Variants in ACTR3C observed in about 807,000 individuals in gnomAD.
The protein encoded by ACTR3C is actin related protein 3C.
A neutral mutation model predicts 26.3 loss-of-function variants in ACTR3C; 18 were observed. That is an observed-to-expected ratio of 0.68 (90% CI 0.47 to 1.01). ACTR3C has a LOEUF of 1.01. ACTR3C is among the 50% of genes least tolerant of loss of function. The probability of loss-of-function intolerance (pLI) is 0.00; values close to 1 mark genes in which losing one functional copy is unlikely to be tolerated. For missense variants in ACTR3C, 184 were observed against 250.7 expected (o/e 0.73, Z 1.80); for synonymous variants, 55 against 94.5 (o/e 0.58, Z 2.42).
chr7:149,903,961 C>T, the ACTR3C span, among the ~76,000 whole-genome samples: 37 of 114,530 alleles, frequency 3.2e-4, 5 homozygotes, highest in South Asian at 5.0e-3. Context: ...GGTTCTGCTG[C>T]CCAGGCTGGA....
the ACTR3C span, among the ~76,000 whole-genome samples, chr7:150,035,172 A>T: frequency 4.6e-3 from 605 of 131,600 alleles, 6 homozygotes; most frequent in African/African-American, 0.018. Flanking sequence ...CAGGGGGGGA[A>T]GAGGGTCTGG....
chr7:150,183,133 A>G, the ACTR3C span, among the ~76,000 whole-genome samples: 16 of 151,010 alleles, frequency 1.1e-4, no homozygotes, highest in African/African-American at 3.0e-4. Context: ...ATGTACAACA[A>G]GAAATGGAAA....
At chr7:150,236,356 T>C in the ACTR3C span, among the ~76,000 whole-genome samples, 1 of 152,222 alleles carries the variant, frequency 6.6e-6, no homozygotes, top group Non-Finnish European at 1.5e-5. Context: ...ATAGAGGTGA[T>C]GTTTCTGCCC....
At chr7:150,072,699 G>GAGGC in the ACTR3C span, among the ~76,000 whole-genome samples, 183 of 152,198 alleles carry the variant, frequency 1.2e-3, 1 homozygote, top group African/African-American at 4.0e-3. Context: ...GAAATAAACT[G>GAGGC]AGGCAGGCAG....
At chr7:150,244,458 G>C, downstream of ACTR3C, 1 of 151,658 alleles carries the variant, frequency 6.6e-6, no homozygotes. Flanking sequence ...ATCCTTTGTT[G>C]AACATTTGAT....
intron 1 of ACTR3C, among the ~76,000 whole-genome samples, chr7:150,299,308 T>A (rs1795210510): frequency 6.7e-6 from 1 of 149,820 alleles, no homozygotes; most frequent in African/African-American, 2.4e-5. Flanking sequence ...AAACAAGGTG[T>A]GGTAGCCGGG....
chr7:149,952,771 C>T, the ACTR3C span, among the ~76,000 whole-genome samples: 1 of 150,938 alleles, frequency 6.6e-6, no homozygotes, highest in Admixed American at 6.6e-5. Flanking sequence ...TAGAGTCTAC[C>T]ATCTATTAGG....
At chr7:150,133,398 A>T in the ACTR3C span, among the ~76,000 whole-genome samples, 1 of 152,250 alleles carries the variant, frequency 6.6e-6, no homozygotes, top group African/African-American at 2.4e-5. Flanking sequence ...GTCAGGCTGA[A>T]GTTAGATGCT....
At chr7:150,114,255 C>G in the ACTR3C span, among the ~76,000 whole-genome samples, 1 of 152,118 alleles carries the variant, frequency 6.6e-6, no homozygotes, top group African/African-American at 2.4e-5. Context: ...GTCCTCTGGT[C>G]CCTACTTGCA....
the ACTR3C span, among the ~76,000 whole-genome samples, chr7:150,103,305 A>C: frequency 6.6e-6 from 1 of 152,112 alleles, no homozygotes; most frequent in African/African-American, 2.4e-5. Context: ...ACTCAGACAT[A>C]ATGGGAAGTG....
the ACTR3C span, among the ~76,000 whole-genome samples, chr7:150,071,412 C>T: frequency 1.5e-4 from 23 of 150,840 alleles, no homozygotes; most frequent in African/African-American, 5.6e-4. Context: ...GTGTGAGCCA[C>T]TGTGCCCAGC....
chr7:150,312,875 T>C (rs947987557), intron 1 of ACTR3C, among the ~76,000 whole-genome samples: 1 of 152,146 alleles, frequency 6.6e-6, no homozygotes, highest in African/African-American at 2.4e-5. Flanking sequence ...CACATATATG[T>C]CCAGATGGCC....
the ACTR3C span, among the ~76,000 whole-genome samples, chr7:150,054,115 T>C: frequency 6.6e-6 from 1 of 152,334 alleles, no homozygotes; most frequent in South Asian, 2.1e-4. Context: ...AGTGGGACAG[T>C]CTGAGTAGCA....
chr7:150,323,246 T>G (rs2129617942), intron 1 of ACTR3C: 7 of 229,322 alleles, frequency 3.1e-5, no homozygotes, highest in Non-Finnish European at 5.3e-5. Flanking sequence ...AGGCGGGGGG[T>G]GCGCGCGAAG....
chr7:150,033,221 G>A, the ACTR3C span, among the ~76,000 whole-genome samples: 313 of 152,222 alleles, frequency 2.1e-3, no homozygotes, highest in Middle Eastern at 0.01. Flanking sequence ...TCCCCACTCT[G>A]ATCAGCCCAG....
chr7:150,232,523 T>C, the ACTR3C span, among the ~76,000 whole-genome samples: 1 of 149,354 alleles, frequency 6.7e-6, no homozygotes, highest in Admixed American at 6.6e-5. Context: ...TAATTATACA[T>C]ATTTTAAAAA....
At chr7:150,163,044 C>G in the ACTR3C span, among the ~76,000 whole-genome samples, 1 of 151,948 alleles carries the variant, frequency 6.6e-6, no homozygotes, top group African/African-American at 2.4e-5. Context: ...ATTCCAGCTA[C>G]TCGGGAGGCT....
chr7:150,235,777 T>C, the ACTR3C span, among the ~76,000 whole-genome samples: 33 of 152,156 alleles, frequency 2.2e-4, no homozygotes, highest in Non-Finnish European at 3.2e-4. Flanking sequence ...TATCTGAGAA[T>C]AGCATTTGGG....
At chr7:149,986,673 G>A in the ACTR3C span, among the ~76,000 whole-genome samples, 2 of 152,088 alleles carry the variant, frequency 1.3e-5, no homozygotes. Flanking sequence ...AACATCATTT[G>A]GAGAACACCA....
Sources: gnomAD v4.1 joint callset for allele counts (sites outside exome capture counted in the v4.1 genomes callset) on GRCh38, gnomAD v4.1.1 for gene constraint, MANE v1.5 for transcripts, NCBI Gene and HGNC (gene_info 2026-07-23, HGNC 2026-07-21) for gene names.